TMEM108: variants seen among roughly 807,000 people sequenced by gnomAD.
TMEM108 encodes cancer/testis antigen 124.
Under a neutral mutation model 35.1 loss-of-function variants are expected in TMEM108, and 12 were observed. The observed-to-expected ratio is 0.34, with a 90% CI of 0.22 to 0.55. The LOEUF is 0.55. Ranked by LOEUF, TMEM108 falls within the 20% of genes least tolerant of loss-of-function variation. The pLI is 0.89. For missense variants in TMEM108, 680 were observed against 753.3 expected (o/e 0.90, Z 1.14); for synonymous variants, 287 against 308.6 (o/e 0.93, Z 0.73).
At chr3:133,132,442 GAAC>G (rs1944503292) in intron 2 of TMEM108, among the ~76,000 whole-genome samples, 1 of 152,130 alleles carries the variant, frequency 6.6e-6, no homozygotes, top group African/African-American at 2.4e-5. Flanking sequence ...TTTATAAACG[GAAC>G]AACATAGCCT....
intron 2 of TMEM108, among the ~76,000 whole-genome samples, chr3:133,097,051 G>A (rs1944024423): frequency 6.6e-6 from 1 of 152,172 alleles, no homozygotes; most frequent in Admixed American, 6.5e-5. Context: ...GGTTAGATTG[G>A]CCATTCCAAA....
intron 2 of TMEM108, among the ~76,000 whole-genome samples, chr3:133,079,708 G>A (rs76011091): frequency 0.028 from 4,211 of 152,284 alleles, 101 homozygotes; most frequent in South Asian, 0.059. Context: ...GTTTATGGCA[G>A]CAGGTAAGGA....
At chr3:133,191,492 G>A (rs1011289036) in intron 2 of TMEM108, among the ~76,000 whole-genome samples, 2 of 152,134 alleles carry the variant, frequency 1.3e-5, no homozygotes, top group Non-Finnish European at 2.9e-5. Context: ...AATCATACGA[G>A]TATATTTTTC....
intron 2 of TMEM108, among the ~76,000 whole-genome samples, chr3:133,184,765 C>T (rs746753070): frequency 6.6e-6 from 1 of 152,154 alleles, no homozygotes; most frequent in Non-Finnish European, 1.5e-5. Context: ...GAGAGAAACC[C>T]TGTTACCTTT....
chr3:133,075,480 T>G (rs1943727928), intron 2 of TMEM108, among the ~76,000 whole-genome samples: 1 of 152,184 alleles, frequency 6.6e-6, no homozygotes, highest in Non-Finnish European at 1.5e-5. Context: ...CATTTCTTAC[T>G]ATTTTGCTGT....
chr3:133,230,104 C>A lies in TMEM108; in HGVS notation c.40+753C>A, dbSNP rs530452067. Among the ~76,000 whole-genome samples the A allele has an allele frequency of 2.6e-5, 4 of 152,312 alleles. No homozygotes were observed. The East Asian group carries it at 7.7e-4, about 29-fold the overall frequency. On this transcript the variant is annotated intron_variant, in intron 3 of 5. Transcript: ENST00000321871. ...TACCCGCTCCAGGTCAAACCAAAGC[C>A]AGTGAGTTGGAAAATTGGGAGTTAT...
chr3:133,196,922 T>C (rs1052040438), intron 2 of TMEM108, among the ~76,000 whole-genome samples: 2 of 152,224 alleles, frequency 1.3e-5, no homozygotes, highest in African/African-American at 4.8e-5. Context: ...ATTGTGTCCC[T>C]GCTACCAGTA....
chr3:133,280,962 T>C (rs555296284), intron 3 of TMEM108, among the ~76,000 whole-genome samples: 2 of 152,312 alleles, frequency 1.3e-5, no homozygotes, highest in South Asian at 2.1e-4. Context: ...CCTTAAAGCT[T>C]TCACACTGTC....
At chr3:133,121,148 T>A (rs976022694) in intron 2 of TMEM108, among the ~76,000 whole-genome samples, 1 of 152,242 alleles carries the variant, frequency 6.6e-6, no homozygotes, top group African/African-American at 2.4e-5. Context: ...GATCTTGGAC[T>A]CTTCCCTCAG....
intron 3 of TMEM108, among the ~76,000 whole-genome samples, chr3:133,232,103 G>C (rs982603225): frequency 3.3e-5 from 5 of 152,196 alleles, no homozygotes; most frequent in Non-Finnish European, 7.3e-5. Context: ...CCCATAAGCA[G>C]TAAAGTTTGC....
chr3:133,390,277 C>T lies in TMEM108; in HGVS notation c.1548C>T (p.Tyr516=), dbSNP rs747263121. 1 of 1,614,236 alleles carries T rather than the reference C, an allele frequency of 6.2e-7. No individual in the cohort carries two copies. Among genetic ancestry groups the T allele is most frequent in the Admixed American group, 1.7e-5 (1 of 60,028 alleles). ...SYWNNTITMD[Y]FNRHAVELPR... is the part of the protein sequence containing the mutation. ...GGAACAACACCATCACCATGGACTA[C>T]TTCAACAGGCATGCTGTGGAGCTGC... Residue 516 remains tyrosine, a synonymous_variant, in exon 5 of 6, where the codon TAC becomes TAT. Coordinates refer to ENST00000321871, the MANE Select transcript of TMEM108 (RefSeq NM_023943.4).
At chr3:133,103,843 C>T (rs1421913337) in intron 2 of TMEM108, among the ~76,000 whole-genome samples, 1 of 152,204 alleles carries the variant, frequency 6.6e-6, no homozygotes, top group Non-Finnish European at 1.5e-5. Context: ...CAGGTCCTCA[C>T]TTTTCTCATC....
intron 2 of TMEM108, among the ~76,000 whole-genome samples, chr3:133,115,403 T>A (rs1285460442): frequency 6.6e-6 from 1 of 152,236 alleles, no homozygotes; most frequent in African/African-American, 2.4e-5. Flanking sequence ...TACGTGGAAC[T>A]ATTTAATCCT....
chr3:133,145,375 G>A (rs1389998290), intron 2 of TMEM108, among the ~76,000 whole-genome samples: 19 of 152,144 alleles, frequency 1.2e-4, no homozygotes, highest in African/African-American at 3.4e-4. Flanking sequence ...GCCTTGTAGT[G>A]TAGTTTGAAG....
chr3:133,057,121 A>G (rs1441437587), intron 2 of TMEM108, among the ~76,000 whole-genome samples: 1 of 152,132 alleles, frequency 6.6e-6, no homozygotes, highest in African/African-American at 2.4e-5. Context: ...TCTCCCTGCA[A>G]TTCTGCCCTC....
chr3:133,257,661 CT>C (rs1474859571), intron 3 of TMEM108, among the ~76,000 whole-genome samples: 1 of 152,158 alleles, frequency 6.6e-6, no homozygotes, highest in Non-Finnish European at 1.5e-5. Context: ...GCCTCTCTTC[CT>C]TCCCCATCTT....
At chr3:133,191,501 T>G (rs1228532830) in intron 2 of TMEM108, among the ~76,000 whole-genome samples, 1 of 152,208 alleles carries the variant, frequency 6.6e-6, no homozygotes, top group East Asian at 1.9e-4. Context: ...AGTATATTTT[T>G]CACTCATGCC....
chr3:133,049,064 A>G (rs1019826827), intron 2 of TMEM108, among the ~76,000 whole-genome samples: 1 of 152,186 alleles, frequency 6.6e-6, no homozygotes, highest in Non-Finnish European at 1.5e-5. Context: ...TTTGAGAAGC[A>G]TTGCTTTGTT....
At chr3:133,325,710 T>C (rs1041556496) in intron 3 of TMEM108, among the ~76,000 whole-genome samples, 1 of 149,648 alleles carries the variant, frequency 6.7e-6, no homozygotes, top group African/African-American at 2.4e-5. Flanking sequence ...AATTTTTAAA[T>C]AAAAATAATA....
Sources: gnomAD v4.1 joint callset for allele counts (sites outside exome capture counted in the v4.1 genomes callset) on GRCh38, gnomAD v4.1.1 for gene constraint, MANE v1.5 for transcripts, NCBI Gene and HGNC (gene_info 2026-07-23, HGNC 2026-07-21) for gene names.